The following COL22A1 variants were observed in gnomAD, a reference collection of about 807,000 sequenced individuals.
COL22A1 encodes collagen type XXII alpha 1 chain.
Under a neutral mutation model 248.9 loss-of-function variants are expected in COL22A1, and 221 were observed. That is an observed-to-expected ratio of 0.89 (90% confidence interval 0.80 to 0.99). The LOEUF (loss-of-function observed/expected upper bound fraction) is 0.99. Among genes scored for constraint, COL22A1 ranks in the 50% least tolerant of loss-of-function variants. The pLI is 0.00. For missense variants in COL22A1, 2,240 were observed against 2,179.0 expected (o/e 1.03, Z -0.56); for synonymous variants, 891 against 793.4 (o/e 1.12, Z -2.07).
rs1160622669 is a variant in COL22A1 at position 138,882,961 on chromosome 8, CCT to C, written c.91+119_91+120del. ...ACTCACACTTGGATTCCGGACTCTC[CCT>C]CTCTCTCACACAGTCAGTTGTGAAC... On this transcript the variant is annotated intron_variant, in intron 2 of 64. Transcript: ENST00000303045. 3 of 914,644 alleles carry C rather than the reference CCT, an allele frequency of 3.3e-6. 1 individual carries two copies. Among genetic ancestry groups the C allele is most frequent in the South Asian group, 3.7e-5 (2 of 53,906 alleles). 56.7% of individuals were successfully genotyped at this position (914,644 alleles called of 1,614,324 possible).
At chr8:138,638,098 C>T (rs1371666405) in intron 47 of COL22A1, among the ~76,000 whole-genome samples, 1 of 151,350 alleles carries the variant, frequency 6.6e-6, no homozygotes, top group Non-Finnish European at 1.5e-5. Flanking sequence ...CATCAAGATG[C>T]TCAAAATATA....
chr8:138,716,188 G>A (rs988667491), intron 29 of COL22A1, 39 bp downstream of exon 29: 5 of 1,509,998 alleles, frequency 3.3e-6, no homozygotes, highest in South Asian at 1.2e-5. Context: ...GGAGATGGGC[G>A]AGGTTCCTGT....
intron 56 of COL22A1, among the ~76,000 whole-genome samples, chr8:138,611,658 A>G (rs1242128344): frequency 6.6e-6 from 1 of 152,232 alleles, no homozygotes; most frequent in Admixed American, 6.5e-5. Flanking sequence ...ACACCTCAAG[A>G]ATCAGTGTTT....
At position 138,887,513 on chromosome 8, in the gene COL22A1, C is replaced by T. The variant is rs189693529; in HGVS notation, c.-72-4269G>A. On this transcript the variant is annotated intron_variant, in intron 1 of 64. Transcript: ENST00000303045. The stretch of plus-strand genomic sequence containing the variant: ...GATTACAGGCGTGAGCCACCACACC[C>T]GGCCAGTCTCTCTTAACATTATATC... 1.4e-3 allele frequency among the ~76,000 whole-genome samples: 206 copies of T among 152,296 alleles called. 1 individual carries two copies. The highest frequency in any genetic ancestry group is 3.9e-3 in the African/African-American group (164 of 41,560).
In COL22A1 at chr8:138,755,640, A is replaced by C. The variant is rs946036725; in HGVS notation, c.1948-129T>G. 3 of 1,336,490 alleles carry C rather than the reference A, an allele frequency of 2.2e-6. No individual in the cohort carries two copies. In the African/African-American group the frequency reaches 4.3e-5, roughly 19 times the overall value. 82.8% of individuals were successfully genotyped at this position (1,336,490 alleles called of 1,614,324 possible). A position where few individuals can be genotyped will look rare whatever the true frequency, so the allele number is the denominator to read the frequency against. ...TGTCGTGCCTCCTGACTTTTCTCTG[A>C]TTCTGCCCCATTTTTAGTGTTGAAA... On this transcript the variant is annotated intron_variant, in intron 19 of 64. Transcript: ENST00000303045.
intron 1 of COL22A1, among the ~76,000 whole-genome samples, chr8:138,897,253 AAAT>A (rs1377323008): frequency 6.6e-6 from 1 of 152,114 alleles, no homozygotes; most frequent in Non-Finnish European, 1.5e-5. Flanking sequence ...ACCCTTCCAC[AAAT>A]AATAGCTTAG....
chr8:138,773,753 A>G (rs1834588036), intron 16 of COL22A1, among the ~76,000 whole-genome samples: 1 of 152,200 alleles, frequency 6.6e-6, no homozygotes, highest in Non-Finnish European at 1.5e-5. Context: ...TTCAGACTCC[A>G]GGCCAGGGAC....
chr8:138,882,689 C>A lies in COL22A1; in HGVS notation c.91+393G>T, dbSNP rs570988709. Among the ~76,000 whole-genome samples, 32 of 151,584 alleles carry A rather than the reference C, an allele frequency of 2.1e-4. 1 individual carries two copies. The South Asian group carries it at 6.7e-3, about 32-fold the overall frequency. On this transcript the variant is annotated intron_variant, in intron 2 of 64. Coordinates refer to ENST00000303045, the MANE Select transcript of COL22A1 (RefSeq NM_152888.3). ...TCAAACTCACACTCCCATACACTCC[C>A]ACACACTTTGTCAAACACACACTCC...
intron 4 of COL22A1, among the ~76,000 whole-genome samples, chr8:138,842,646 CA>C (rs1166963648): frequency 1.3e-5 from 2 of 152,152 alleles, no homozygotes; most frequent in African/African-American, 4.8e-5. Context: ...TGCATTGGTG[CA>C]AAAGTAATTA....
At chr8:138,685,381 G>A in intron 37 of COL22A1, 69 bp from the exon 38 acceptor site, 1 of 1,293,104 alleles carries the variant, frequency 7.7e-7, no homozygotes, top group Middle Eastern at 1.8e-4. Context: ...TGGGGGAGCA[G>A]CTTGAGTAGG....
chr8:138,627,171 T>G lies in COL22A1; in HGVS notation c.3664-928A>C, dbSNP rs190104602. Among the ~76,000 whole-genome samples the G allele has an allele frequency of 9.8e-4, 149 of 152,334 alleles. 1 individual carries two copies. Among genetic ancestry groups the G allele is most frequent in the African/African-American group, 3.3e-3 (137 of 41,580 alleles). On this transcript the variant is annotated intron_variant, in intron 50 of 64. Transcript: ENST00000303045. ...ACATAAGAAAATTAAGTGGATATTTTTGTTCAACCCAAGACAAAGATGGAG... is the reference window on the plus strand; with the variant it reads ...ACATAAGAAAATTAAGTGGATATTTGTGTTCAACCCAAGACAAAGATGGAG...
intron 59 of COL22A1, among the ~76,000 whole-genome samples, chr8:138,602,726 C>G (rs1818127407): frequency 1.3e-5 from 2 of 152,220 alleles, no homozygotes; most frequent in Non-Finnish European, 2.9e-5. Flanking sequence ...GGAGGGCAGT[C>G]ACGTCAGGGA....
At chr8:138,675,446 T>C (rs1253291849) in intron 41 of COL22A1, among the ~76,000 whole-genome samples, 1 of 152,214 alleles carries the variant, frequency 6.6e-6, no homozygotes, top group Non-Finnish European at 1.5e-5. Context: ...AACTAGACCA[T>C]GTATTACTCC....
At chr8:138,836,110 A>G (rs1234174402) in intron 4 of COL22A1, among the ~76,000 whole-genome samples, 1 of 152,160 alleles carries the variant, frequency 6.6e-6, no homozygotes, top group African/African-American at 2.4e-5. Context: ...GTCTTTACTA[A>G]AAATATAAAA....
At chr8:138,775,468 C>T (rs1447797020) in intron 16 of COL22A1, among the ~76,000 whole-genome samples, 1 of 152,188 alleles carries the variant, frequency 6.6e-6, no homozygotes, top group Non-Finnish European at 1.5e-5. Context: ...CATTTAAGAG[C>T]CCGAGTGTGG....
rs118026208 is a variant in COL22A1, at chr8:138,657,770, C to G, written c.3286-1826G>C. On this transcript the variant is annotated intron_variant, in intron 44 of 64. Transcript: ENST00000303045. ...ATGTAGATGCCAGTTTACATCCTAC[C>G]TAGATCCTCCCCATTCTCGGTGCAT... Among the ~76,000 whole-genome samples, 917 of 152,162 alleles carry G rather than the reference C, an allele frequency of 6.0e-3. 58 individuals are homozygous for G. In the East Asian group the frequency reaches 0.14, roughly 24 times the overall value.
chr8:138,828,861 C>T (rs931103269), intron 5 of COL22A1, among the ~76,000 whole-genome samples: 1 of 152,214 alleles, frequency 6.6e-6, no homozygotes, highest in Non-Finnish European at 1.5e-5. Context: ...GGGACCTGCT[C>T]TCCTGGGCTC....
chr8:138,851,244 C>T (rs1821625177), intron 3 of COL22A1, among the ~76,000 whole-genome samples: 1 of 152,180 alleles, frequency 6.6e-6, no homozygotes, highest in African/African-American at 2.4e-5. Flanking sequence ...AAGAAGGAGA[C>T]CAGTCCACCC....
chr8:138,856,492 G>A (rs1453470557), intron 3 of COL22A1, among the ~76,000 whole-genome samples: 2 of 151,960 alleles, frequency 1.3e-5, no homozygotes, highest in Admixed American at 6.6e-5. Flanking sequence ...CAGAGAGAGC[G>A]AGAGAGACAG....
Sources: gnomAD v4.1 joint callset for allele counts (sites outside exome capture counted in the v4.1 genomes callset) on GRCh38, gnomAD v4.1.1 for gene constraint, MANE v1.5 for transcripts, NCBI Gene and HGNC (gene_info 2026-07-23, HGNC 2026-07-21) for gene names.